Variants in CCBE1 observed in about 807,000 individuals in gnomAD.
CCBE1 encodes collagen and calcium-binding EGF domain-containing protein 1.
A neutral mutation model predicts 50.0 loss-of-function variants in CCBE1; 37 were observed. The ratio of observed to expected loss-of-function variants is 0.74; its 90% confidence interval spans 0.57 to 0.97. CCBE1 has a LOEUF of 0.97. Among genes scored for constraint, CCBE1 ranks in the 50% least tolerant of loss-of-function variants. CCBE1 has a pLI of 0.00. For synonymous variants in CCBE1, 234 were observed against 203.7 expected (o/e 1.15, Z -1.27); for missense variants, 538 against 523.8 (o/e 1.03, Z -0.26).
At chr18:59,452,685 G>C (rs987469849) in intron 6 of CCBE1, among the ~76,000 whole-genome samples, 1 of 152,148 alleles carries the variant, frequency 6.6e-6, no homozygotes, top group East Asian at 1.9e-4. Context: ...CTGCCCTCTC[G>C]GACGGTTATT....
intron 2 of CCBE1, among the ~76,000 whole-genome samples, chr18:59,556,292 G>T (rs1018370053): frequency 1.4e-4 from 22 of 152,194 alleles, no homozygotes; most frequent in Middle Eastern, 3.2e-3. Context: ...AAATCCTGGG[G>T]TTCTCAGGGC....
intron 2 of CCBE1, among the ~76,000 whole-genome samples, chr18:59,591,245 C>CAAAAAA: frequency 9.4e-4 from 2 of 2,118 alleles, no homozygotes; most frequent in Non-Finnish European, 6.8e-4. Context: ...GACTCCGTCT[C>CAAAAAA]AAAAAAAAAA....
At chr18:59,613,305 G>A (rs2144588241) in intron 2 of CCBE1, among the ~76,000 whole-genome samples, 1 of 152,272 alleles carries the variant, frequency 6.6e-6, no homozygotes, top group South Asian at 2.1e-4. Flanking sequence ...TTTTCTGTCA[G>A]TGTGATTTTT....
chr18:59,691,741 A>G (rs918360824), intron 2 of CCBE1, among the ~76,000 whole-genome samples: 3 of 152,254 alleles, frequency 2.0e-5, no homozygotes, highest in Middle Eastern at 3.4e-3. Flanking sequence ...TCCTCCCTGA[A>G]CTACATGCCC....
intron 2 of CCBE1, among the ~76,000 whole-genome samples, chr18:59,581,546 T>C (rs1237040841): frequency 2.0e-5 from 3 of 151,982 alleles, no homozygotes; most frequent in East Asian, 3.9e-4. Context: ...ATCCACTGGG[T>C]AATAAAGCAC....
Position 59,469,561 on chromosome 18 carries a change from G to T in CCBE1, c.312C>A (p.Asp104Glu), listed in dbSNP as rs1164039260. The part of the protein sequence containing the change: ...AEAPCEQQCT[D>E]NFGRVLCTCY... The stretch of plus-strand genomic sequence containing the variant: ...AAGTACACAGCACTCGGCCAAAGTT[G>T]TCCGTGCACTGCTGTTCACAGGGAG... Residue 104 changes from aspartate to glutamate, a missense_variant, in exon 4 of 11, where the codon GAC (aspartate) becomes GAA (glutamate). Asp to Glu is a conservative substitution (Grantham distance 45). Transcript: ENST00000439986. 2 of 1,614,058 alleles carry T rather than the reference G, an allele frequency of 1.2e-6. No individual in the cohort carries two copies. The highest frequency in any genetic ancestry group is 2.2e-5 in the East Asian group (1 of 44,896).
intron 2 of CCBE1, among the ~76,000 whole-genome samples, chr18:59,560,670 A>G (rs1032168214): frequency 7.2e-5 from 11 of 152,214 alleles, no homozygotes; most frequent in Non-Finnish European, 1.2e-4. Flanking sequence ...TGTGTTCATG[A>G]GTAACCACTC....
At chr18:59,619,444 C>CA (rs1187435883) in intron 2 of CCBE1, among the ~76,000 whole-genome samples, 2 of 152,192 alleles carry the variant, frequency 1.3e-5, no homozygotes, top group African/African-American at 4.8e-5. Flanking sequence ...TCAGCCTCCC[C>CA]AGGTAGCTAG....
At chr18:59,647,336 AAT>A (rs2054068200) in intron 2 of CCBE1, among the ~76,000 whole-genome samples, 1 of 152,242 alleles carries the variant, frequency 6.6e-6, no homozygotes, top group African/African-American at 2.4e-5. Context: ...ATGTGAAAAA[AAT>A]ATGTACCCAC....
intron 2 of CCBE1, among the ~76,000 whole-genome samples, chr18:59,605,569 T>A (rs535091963): frequency 6.6e-6 from 1 of 152,310 alleles, no homozygotes; most frequent in South Asian, 2.1e-4. Context: ...TTACTAGGTG[T>A]TCCTGGATCA....
chr18:59,550,998 C>CAAAAAAAAAAAAAAAAAAAAAAAAAAAAA (rs555160847), intron 2 of CCBE1, among the ~76,000 whole-genome samples: 15 of 71,378 alleles, frequency 2.1e-4, no homozygotes, highest in South Asian at 6.2e-4. Flanking sequence ...CAGCGAGACT[C>CAAAAAAAAAAAAAAAAAAAAAAAAAAAAA]AAAAAAAAAA....
intron 2 of CCBE1, among the ~76,000 whole-genome samples, chr18:59,579,196 G>T (rs755620085): frequency 5.3e-5 from 8 of 152,048 alleles, no homozygotes; most frequent in Non-Finnish European, 1.2e-4. Context: ...CTGTAATTGT[G>T]TATTTGATAA....
At position 59,529,199 on chromosome 18, in the gene CCBE1, G is replaced by A. The variant is rs553595446; in HGVS notation, c.213-48961C>T. Among the ~76,000 whole-genome samples the A allele has an allele frequency of 2.6e-3, 400 of 152,136 alleles. 2 individuals carry two copies. Among genetic ancestry groups the A allele is most frequent in the Middle Eastern group, 6.8e-3 (2 of 294 alleles). On this transcript the variant is annotated intron_variant, in intron 2 of 10. Coordinates refer to ENST00000439986, the MANE Select transcript of CCBE1 (RefSeq NM_133459.4). ...AAATCCCCACAGGGAGGCCCTGCCC[G>A]GTGAGGAGAGATGGGTCAGGGTCCA... is the stretch of plus-strand genomic sequence containing the variant.
chr18:59,646,254 A>T (rs1217842145), intron 2 of CCBE1, among the ~76,000 whole-genome samples: 1 of 152,200 alleles, frequency 6.6e-6, no homozygotes, highest in Non-Finnish European at 1.5e-5. Context: ...ATGGACGATC[A>T]CTGTCAGAAT....
intron 5 of CCBE1, among the ~76,000 whole-genome samples, chr18:59,456,321 T>C (rs1202125598): frequency 6.6e-6 from 1 of 152,232 alleles, no homozygotes; most frequent in Non-Finnish European, 1.5e-5. Context: ...TGCTTTAGAA[T>C]GTGACTTTAT....
At chr18:59,584,491 A>T (rs191176702) in intron 2 of CCBE1, among the ~76,000 whole-genome samples, 1 of 149,716 alleles carries the variant, frequency 6.7e-6, no homozygotes, top group African/African-American at 2.5e-5. Flanking sequence ...CCGAAAACTT[A>T]AAGTATAATA....
At chr18:59,464,584 C>A (rs540793502) in intron 5 of CCBE1, among the ~76,000 whole-genome samples, 30 of 152,226 alleles carry the variant, frequency 2.0e-4, no homozygotes, top group Non-Finnish European at 3.4e-4. Context: ...GTCACCAAGT[C>A]CTCAAATTCA....
At chr18:59,492,348 A>G (rs1434797700) in intron 2 of CCBE1, among the ~76,000 whole-genome samples, 1 of 151,852 alleles carries the variant, frequency 6.6e-6, no homozygotes, top group African/African-American at 2.4e-5. Context: ...CCTTTTATCT[A>G]TGGTAACCGA....
intron 2 of CCBE1, among the ~76,000 whole-genome samples, chr18:59,684,048 T>C (rs1363534925): frequency 2.0e-5 from 3 of 152,178 alleles, no homozygotes; most frequent in Admixed American, 6.5e-5. Context: ...CTGATTATAA[T>C]TTACCTATAT....
Sources: gnomAD v4.1 joint callset for allele counts (sites outside exome capture counted in the v4.1 genomes callset) on GRCh38, gnomAD v4.1.1 for gene constraint, MANE v1.5 for transcripts, NCBI Gene and HGNC (gene_info 2026-07-23, HGNC 2026-07-21) for gene names.